Variants in CEP83 observed in about 807,000 individuals in gnomAD.
CEP83 encodes centrosomal protein 83, also known as centrosomal protein of 83 kDa.
Under a neutral mutation model 101.9 loss-of-function variants are expected in CEP83, and 70 were observed. That is an observed-to-expected ratio of 0.69 (90% CI 0.57 to 0.84). The LOEUF (loss-of-function observed/expected upper bound fraction) is 0.84, where lower values mean the gene tolerates loss of function less well. Among genes scored for constraint, CEP83 ranks in the 40% least tolerant of loss-of-function variants. The pLI, the probability that CEP83 is intolerant of heterozygous loss-of-function variation, is 0.00. For synonymous variants in CEP83, 264 were observed against 267.9 expected (o/e 0.99, Z 0.14); for missense variants, 715 against 787.2 (o/e 0.91, Z 1.10).
chr12:94,315,547 A>G (rs1421005470), intron 14 of CEP83, among the ~76,000 whole-genome samples: 1 of 152,116 alleles, frequency 6.6e-6, no homozygotes, highest in Non-Finnish European at 1.5e-5. Context: ...TCTTTTGCTT[A>G]AGAGTATCCC....
At chr12:94,345,499 T>C (rs1355157482) in intron 11 of CEP83, among the ~76,000 whole-genome samples, 2 of 152,166 alleles carry the variant, frequency 1.3e-5, no homozygotes, top group Non-Finnish European at 2.9e-5. Context: ...TGGGGTGCTC[T>C]GGGCCTCAGA....
At position 94,406,882 on chromosome 12, in the gene CEP83, G is replaced by A. The variant is rs188302748; in HGVS notation, c.325-3620C>T. On this transcript the variant is annotated intron_variant, in intron 4 of 16. Coordinates refer to ENST00000397809, the MANE Select transcript of CEP83 (RefSeq NM_016122.3). ...GCGGAGCTTGCAGTGAGCCAAGATCGCGCCACTGCACTCCAGCCTGGGCGA... is the reference window on the plus strand; with the variant it reads ...GCGGAGCTTGCAGTGAGCCAAGATCACGCCACTGCACTCCAGCCTGGGCGA... 1.5e-4 allele frequency among the ~76,000 whole-genome samples: 22 copies of A among 150,640 alleles called. No individual in the cohort carries two copies. The South Asian group carries it at 3.2e-3, about 22-fold the overall frequency.
the CEP83 span, chr12:94,300,979 A>C: frequency 1.2e-6 from 2 of 1,613,816 alleles, no homozygotes; most frequent in Non-Finnish European, 1.7e-6. Flanking sequence ...AGAAGACACC[A>C]CATATAGACG....
chr12:94,271,693 T>G, the CEP83 span, among the ~76,000 whole-genome samples: 1 of 152,212 alleles, frequency 6.6e-6, no homozygotes, highest in African/African-American at 2.4e-5. Context: ...AAATAATACA[T>G]GTACCACGTC....
chr12:94,291,615 C>T, the CEP83 span, among the ~76,000 whole-genome samples: 5 of 152,134 alleles, frequency 3.3e-5, no homozygotes, highest in East Asian at 9.6e-4. Context: ...AATTGAGCAA[C>T]CATTGCCACA....
intron 4 of CEP83, among the ~76,000 whole-genome samples, chr12:94,404,466 AT>A (rs1202028766): frequency 6.6e-6 from 1 of 152,182 alleles, no homozygotes. Flanking sequence ...AGTTAAAGCC[AT>A]TTTGAATGGG....
intron 11 of CEP83, among the ~76,000 whole-genome samples, chr12:94,352,343 C>T (rs540767152): frequency 6.6e-6 from 1 of 150,954 alleles, no homozygotes; most frequent in Non-Finnish European, 1.5e-5. Context: ...TCGCTTAAAC[C>T]TGGGAGGCAG....
the CEP83 span, among the ~76,000 whole-genome samples, chr12:94,296,406 C>T: frequency 1.3e-5 from 2 of 152,218 alleles, no homozygotes; most frequent in African/African-American, 4.8e-5. Flanking sequence ...GGCAGTCCTC[C>T]TGCCTTGGCT....
At chr12:94,336,010 T>C (rs1167979102) in intron 11 of CEP83, among the ~76,000 whole-genome samples, 2 of 152,112 alleles carry the variant, frequency 1.3e-5, no homozygotes, top group Admixed American at 6.5e-5. Flanking sequence ...AATTATAGAA[T>C]GTGTTGCTAA....
At chr12:94,393,411 G>C (rs1209502345) in intron 6 of CEP83, among the ~76,000 whole-genome samples, 6 of 152,192 alleles carry the variant, frequency 3.9e-5, no homozygotes, top group African/African-American at 1.2e-4. Flanking sequence ...AAAGACCTTT[G>C]ACAAAATTCA....
the CEP83 span, among the ~76,000 whole-genome samples, chr12:94,288,996 A>G: frequency 6.6e-6 from 1 of 152,204 alleles, no homozygotes; most frequent in African/African-American, 2.4e-5. Context: ...CAATGCCAGC[A>G]TTTCTCTTAG....
rs772661302 is a variant in CEP83 at position 94,375,992 on chromosome 12, C to G, written c.827G>C (p.Arg276Pro). The change falls in exon 8 of 17, where the codon CGG becomes CCG. Residue 276 changes from arginine (R) to proline (P), a missense_variant. Arg to Pro is a moderately radical substitution (Grantham distance 103). Coordinates refer to ENST00000397809, the MANE Select transcript of CEP83 (RefSeq NM_016122.3). ...LEAEKQSANLRAERLEKELQS... is the reference protein window; with the variant it reads ...LEAEKQSANLPAERLEKELQS... The stretch of plus-strand genomic sequence containing the variant: ...TAGCTCTTTTTCCAAACGTTCTGCC[C>G]GTAAATTAGCTGATTGTTTTTCAGC... 1.3e-6 allele frequency: 2 copies of G among 1,557,302 alleles called. No homozygotes were observed. Among genetic ancestry groups the G allele is most frequent in the South Asian group, 2.5e-5 (2 of 79,572 alleles).
intron 13 of CEP83, 128 bp downstream of exon 13, chr12:94,333,354 T>C (rs183901217): frequency 4.0e-4 from 287 of 713,940 alleles, no homozygotes; most frequent in African/African-American, 2.0e-4. Flanking sequence ...CAGTAGACCA[T>C]TGTACACTAT....
chr12:94,363,671 A>G (rs1324459222), intron 11 of CEP83, among the ~76,000 whole-genome samples: 1 of 152,160 alleles, frequency 6.6e-6, no homozygotes, highest in Non-Finnish European at 1.5e-5. Flanking sequence ...ACATTAGGGC[A>G]GGTGCGGTGG....
chr12:94,278,600 G>T, the CEP83 span, among the ~76,000 whole-genome samples: 1 of 152,114 alleles, frequency 6.6e-6, no homozygotes, highest in East Asian at 1.9e-4. Context: ...TATGGGGTGG[G>T]GATCTCAGTG....
Position 94,333,688 on chromosome 12 carries a change from G to A in CEP83, c.1420-49C>T, listed in dbSNP as rs750647572. On this transcript the variant is annotated intron_variant, in intron 12 of 16. Transcript: ENST00000397809. ...AATTAAAGCCCACTAAATAAATGCG[G>A]TAAGGTATGAGAGAAGCAGAAGATA... The A allele has an allele frequency of 1.5e-5, 23 of 1,573,832 alleles. No homozygotes were observed. In the African/African-American group the frequency reaches 2.6e-4, roughly 18 times the overall value.
chr12:94,405,391 T>C (rs1251430652), intron 4 of CEP83, among the ~76,000 whole-genome samples: 1 of 152,210 alleles, frequency 6.6e-6, no homozygotes, highest in African/African-American at 2.4e-5. Flanking sequence ...AAGAATATTA[T>C]TTGATTCAAA....
At chr12:94,296,768 T>C in the CEP83 span, among the ~76,000 whole-genome samples, 1 of 152,232 alleles carries the variant, frequency 6.6e-6, no homozygotes, top group Non-Finnish European at 1.5e-5. Context: ...ATAACCTTTA[T>C]CACAGTTATA....
chr12:94,458,556 T>C (rs1010837641), intron 1 of CEP83, among the ~76,000 whole-genome samples: 8 of 151,934 alleles, frequency 5.3e-5, no homozygotes, highest in African/African-American at 4.8e-5. Flanking sequence ...CTGGCCAACA[T>C]GGTGAAACCC....
Sources: gnomAD v4.1 joint callset for allele counts (sites outside exome capture counted in the v4.1 genomes callset) on GRCh38, gnomAD v4.1.1 for gene constraint, MANE v1.5 for transcripts, NCBI Gene and HGNC (gene_info 2026-07-23, HGNC 2026-07-21) for gene names.